Variants in CNTN5 observed in about 807,000 individuals in gnomAD.
CNTN5 encodes contactin 5.
In CNTN5, 77 loss-of-function variants were observed where a neutral mutation model predicts 129.1. The observed-to-expected ratio is 0.60, with a 90% CI of 0.50 to 0.72. CNTN5 has a LOEUF of 0.72. CNTN5 is among the 30% of genes least tolerant of loss of function. The pLI, the probability that CNTN5 is intolerant of heterozygous loss-of-function variation, is 0.00. For missense variants in CNTN5, 1,478 were observed against 1,328.8 expected, an observed-to-expected ratio of 1.11 and a Z score of -1.75; for synonymous variants, 509 against 465.6, an observed-to-expected ratio of 1.09 and a Z score of -1.20.
chr11:100,220,531 C>G (rs1383467690), intron 15 of CNTN5, among the ~76,000 whole-genome samples: 1 of 152,036 alleles, frequency 6.6e-6, no homozygotes, highest in Non-Finnish European at 1.5e-5. Flanking sequence ...CTAGGTATTT[C>G]CATAGCTTAC....
At chr11:99,952,521 A>G (rs1465592968) in intron 7 of CNTN5, among the ~76,000 whole-genome samples, 2 of 152,156 alleles carry the variant, frequency 1.3e-5, no homozygotes, top group African/African-American at 2.4e-5. Context: ...TAAAAAACAA[A>G]CTAAAAGTTA....
chr11:100,220,356 T>A, intron 15 of CNTN5, among the ~76,000 whole-genome samples: 1 of 151,982 alleles, frequency 6.6e-6, no homozygotes, highest in East Asian at 1.9e-4. Flanking sequence ...AGTTTTTACG[T>A]CAGTAACATT....
intron 1 of CNTN5, among the ~76,000 whole-genome samples, chr11:99,139,944 A>G (rs1337884135): frequency 6.6e-6 from 1 of 152,126 alleles, no homozygotes; most frequent in Non-Finnish European, 1.5e-5. Flanking sequence ...TCAGATCGAT[A>G]TTAAGTGTCT....
At chr11:99,118,442 T>A (rs961901023) in intron 1 of CNTN5, among the ~76,000 whole-genome samples, 16 of 152,120 alleles carry the variant, frequency 1.1e-4, no homozygotes, top group Non-Finnish European at 2.1e-4. Flanking sequence ...GGAGAGTGAA[T>A]CAGCAATGTA....
chr11:99,322,957 A>G (rs908143528), intron 1 of CNTN5, among the ~76,000 whole-genome samples: 2 of 152,172 alleles, frequency 1.3e-5, no homozygotes, highest in Non-Finnish European at 2.9e-5. Context: ...AGGTTGTGAA[A>G]TAATAAGACA....
intron 6 of CNTN5, among the ~76,000 whole-genome samples, chr11:99,889,557 T>C (rs1451062747): frequency 2.7e-5 from 4 of 150,444 alleles, no homozygotes; most frequent in Admixed American, 6.7e-5. Flanking sequence ...TCTTTTGAGA[T>C]TGAGTTTCAC....
At chr11:99,754,307 T>C (rs1266090550) in intron 3 of CNTN5, among the ~76,000 whole-genome samples, 2 of 152,224 alleles carry the variant, frequency 1.3e-5, no homozygotes, top group Admixed American at 6.5e-5. Context: ...ATTTCTGTCT[T>C]AAAAGCTCCT....
chr11:99,684,460 G>GCATT lies in CNTN5; in HGVS notation c.55+128211_55+128214dup, dbSNP rs895016565. Among the ~76,000 whole-genome samples the GCATT allele has an allele frequency of 1.1e-4, 16 of 151,830 alleles. No homozygotes were observed. In the East Asian group the frequency reaches 1.2e-3, roughly 11 times the overall value. On this transcript the variant is annotated intron_variant, in intron 3 of 24. Transcript: ENST00000524871. ...CTTCTCTTCCAATCTTACTTTGTGT[G>GCATT]CATTCATTCATTCATTCATTCATGC...
chr11:99,813,993 T>C (rs192079428), intron 3 of CNTN5, among the ~76,000 whole-genome samples: 2 of 152,222 alleles, frequency 1.3e-5, no homozygotes, highest in Admixed American at 1.3e-4. Flanking sequence ...CTTGTTGTAA[T>C]AAAAATTAGG....
At chr11:100,134,870 C>T (rs886471237) in intron 13 of CNTN5, among the ~76,000 whole-genome samples, 1 of 152,106 alleles carries the variant, frequency 6.6e-6, no homozygotes, top group Non-Finnish European at 1.5e-5. Context: ...TTGTTTTCTG[C>T]ACTACTCCAA....
chr11:99,231,230 C>G (rs1419828390), intron 1 of CNTN5, among the ~76,000 whole-genome samples: 5 of 152,194 alleles, frequency 3.3e-5, no homozygotes, highest in Non-Finnish European at 7.3e-5. Context: ...AATTGTCACA[C>G]TGTCTTCTAC....
intron 8 of CNTN5, among the ~76,000 whole-genome samples, chr11:99,988,555 A>C (rs1938844168): frequency 6.6e-6 from 1 of 152,222 alleles, no homozygotes; most frequent in Non-Finnish European, 1.5e-5. Flanking sequence ...AAGTGAACCT[A>C]AGTAAGGAAC....
chr11:99,116,202 T>C (rs1385020952), intron 1 of CNTN5, among the ~76,000 whole-genome samples: 2 of 152,188 alleles, frequency 1.3e-5, no homozygotes, highest in Admixed American at 6.5e-5. Context: ...TTGAAATTTC[T>C]TGTGTGTGAA....
chr11:99,219,892 C>A (rs1011557731), intron 1 of CNTN5, among the ~76,000 whole-genome samples: 10 of 151,764 alleles, frequency 6.6e-5, no homozygotes, highest in African/African-American at 2.4e-4. Flanking sequence ...TCATCTCTGC[C>A]TTATTGAAAT....
At chr11:99,153,622 C>G (rs1284533190) in intron 1 of CNTN5, among the ~76,000 whole-genome samples, 1 of 151,814 alleles carries the variant, frequency 6.6e-6, no homozygotes, top group Non-Finnish European at 1.5e-5. Context: ...ATCTATATCA[C>G]AAATTGTATT....
intron 13 of CNTN5, among the ~76,000 whole-genome samples, chr11:100,159,216 T>G (rs1947357491): frequency 6.6e-6 from 1 of 151,756 alleles, no homozygotes; most frequent in Admixed American, 6.6e-5. Flanking sequence ...AAAAAAAAGT[T>G]AAAATGGTGT....
chr11:100,277,957 A>T (rs1294925155), intron 18 of CNTN5, among the ~76,000 whole-genome samples: 1 of 152,092 alleles, frequency 6.6e-6, no homozygotes, highest in South Asian at 2.1e-4. Context: ...CTTAGATTTG[A>T]ATCTTTAATA....
chr11:99,707,942 C>A (rs993796054), intron 3 of CNTN5, among the ~76,000 whole-genome samples: 1 of 151,530 alleles, frequency 6.6e-6, no homozygotes, highest in Non-Finnish European at 1.5e-5. Flanking sequence ...AGGTATAAAG[C>A]ACTTCCATGA....
intron 3 of CNTN5, among the ~76,000 whole-genome samples, chr11:99,688,549 C>T (rs1953894539): frequency 6.6e-6 from 1 of 151,862 alleles, no homozygotes; most frequent in Non-Finnish European, 1.5e-5. Flanking sequence ...CTCTATGTGA[C>T]AGGTAGAAAG....
Sources: allele counts gnomAD v4.1 joint callset (sites outside exome capture counted in the v4.1 genomes callset), GRCh38; gene constraint gnomAD v4.1.1; transcripts MANE v1.5; gene names NCBI Gene and HGNC (gene_info 2026-07-23, HGNC 2026-07-21).